The following DLGAP1 variants were observed in gnomAD, a reference collection of about 807,000 sequenced individuals.
DLGAP1 encodes disks large-associated protein 1.
In DLGAP1, 11 loss-of-function variants were observed where a neutral mutation model predicts 90.8. That is an observed-to-expected ratio of 0.12 (90% CI 0.08 to 0.20). The LOEUF is 0.20. Ranked by LOEUF, DLGAP1 falls within the 10% of genes least tolerant of loss-of-function variation. The probability of loss-of-function intolerance (pLI) is 1.00; values close to 1 mark genes in which losing one functional copy is unlikely to be tolerated. For missense variants in DLGAP1, 1,050 were observed against 1,333.8 expected (o/e 0.79, Z 3.31); for synonymous variants, 558 against 540.7 (o/e 1.03, Z -0.44).
At chr18:3,708,575 A>G (rs371597495) in intron 7 of DLGAP1, 7 of 455,862 alleles carry the variant, frequency 1.5e-5, no homozygotes, top group East Asian at 1.4e-4. Flanking sequence ...ACCTTCAGGA[A>G]GGGTGGAGGA....
At chr18:4,126,806 G>C (rs2076239612) in intron 2 of DLGAP1, among the ~76,000 whole-genome samples, 1 of 152,228 alleles carries the variant, frequency 6.6e-6, no homozygotes, top group East Asian at 1.9e-4. Flanking sequence ...CAAAAACGTA[G>C]ATATCAAAGA....
At chr18:3,527,176 C>G (rs2051683417) in intron 10 of DLGAP1, among the ~76,000 whole-genome samples, 1 of 152,198 alleles carries the variant, frequency 6.6e-6, no homozygotes, top group Non-Finnish European at 1.5e-5. Flanking sequence ...TTTTGTTACC[C>G]ACATTTAGTC....
At chr18:3,531,755 T>C (rs1451063501) in intron 10 of DLGAP1, among the ~76,000 whole-genome samples, 3 of 152,134 alleles carry the variant, frequency 2.0e-5, no homozygotes, top group African/African-American at 7.2e-5. Flanking sequence ...AGTGCTAGGA[T>C]TATAGGCATG....
intron 4 of DLGAP1, among the ~76,000 whole-genome samples, chr18:3,830,753 A>T (rs1259492948): frequency 2.0e-5 from 3 of 152,202 alleles, no homozygotes; most frequent in African/African-American, 7.2e-5. Flanking sequence ...CATTGTTTTA[A>T]AACCATTTGT....
chr18:3,835,824 G>A (rs1235080941), intron 4 of DLGAP1, among the ~76,000 whole-genome samples: 1 of 152,064 alleles, frequency 6.6e-6, no homozygotes, highest in African/African-American at 2.4e-5. Flanking sequence ...TAATAGCATA[G>A]GAAGATTTTT....
chr18:3,555,804 C>CT (rs2053717787), intron 9 of DLGAP1, among the ~76,000 whole-genome samples: 1 of 151,908 alleles, frequency 6.6e-6, no homozygotes, highest in Admixed American at 6.6e-5. Flanking sequence ...GAGCGAAACT[C>CT]CGTCTCAAAA....
At chr18:4,135,671 C>G (rs2076387148) in intron 2 of DLGAP1, among the ~76,000 whole-genome samples, 1 of 151,958 alleles carries the variant, frequency 6.6e-6, no homozygotes, top group Non-Finnish European at 1.5e-5. Context: ...TTGTCTTAAT[C>G]TATAGTTCCC....
chr18:3,971,141 G>C (rs1599242964), intron 3 of DLGAP1, among the ~76,000 whole-genome samples: 1 of 152,130 alleles, frequency 6.6e-6, no homozygotes, highest in Admixed American at 6.5e-5. Flanking sequence ...CCTCAAGGTC[G>C]CTTTTCTCCA....
chr18:4,339,590 T>C (rs762410145), intron 1 of DLGAP1, among the ~76,000 whole-genome samples: 21 of 152,178 alleles, frequency 1.4e-4, no homozygotes, highest in Non-Finnish European at 4.4e-5. Context: ...TCACTCCAGT[T>C]TCCAATTATA....
chr18:4,174,739 G>A (rs562869699), intron 1 of DLGAP1, among the ~76,000 whole-genome samples: 1 of 152,196 alleles, frequency 6.6e-6, no homozygotes, highest in South Asian at 2.1e-4. Context: ...TGCATCTATT[G>A]ACCTGTCATC....
At chr18:3,706,701 G>A (rs2061443767) in intron 7 of DLGAP1, among the ~76,000 whole-genome samples, 1 of 152,104 alleles carries the variant, frequency 6.6e-6, no homozygotes, top group South Asian at 2.1e-4. Flanking sequence ...ATTGTGATCT[G>A]GATGCAGAGA....
At chr18:4,296,307 T>C (rs1426535199) in intron 1 of DLGAP1, among the ~76,000 whole-genome samples, 2 of 151,924 alleles carry the variant, frequency 1.3e-5, no homozygotes, top group Non-Finnish European at 2.9e-5. Flanking sequence ...TACACACAGG[T>C]GCACACACAC....
Position 3,540,679 on chromosome 18 carries a change from A to G in DLGAP1, c.2058-6064T>C, listed in dbSNP as rs78540282. On this transcript the variant is annotated intron_variant, in intron 9 of 12. Coordinates refer to ENST00000315677, the MANE Select transcript of DLGAP1 (RefSeq NM_004746.4). ...TGTCCTATCACCAGATTTTAAAACT[A>G]TCTCAAGACAAACATCCATCTGTTA... Among the ~76,000 whole-genome samples the G allele has an allele frequency of 2.8e-3, 424 of 152,166 alleles. 2 individuals are homozygous for G. Among genetic ancestry groups the G allele is most frequent in the African/African-American group, 9.9e-3 (411 of 41,514 alleles).
At position 4,264,655 on chromosome 18, in the gene DLGAP1, T is replaced by A. The variant is rs1053297582; in HGVS notation, c.-266-113368A>T. On this transcript the variant is annotated intron_variant, in intron 1 of 12. Coordinates refer to ENST00000315677, the MANE Select transcript of DLGAP1 (RefSeq NM_004746.4). ...TTCACTTGCTCTTTTTTCCTCCCAT[T>A]TTAGCAGCCAAGGATGGGAATTACA... 2.0e-5 allele frequency: 3 copies of A among 152,226 alleles called. No individual in the cohort carries two copies. In the East Asian group the frequency reaches 5.8e-4, roughly 29 times the overall value. The allele number at this position is 152,226 out of a possible 1,614,324, so 9.4% of individuals were successfully genotyped here.
intron 3 of DLGAP1, chr18:3,962,250 G>C (rs1367146680): frequency 1.3e-5 from 2 of 152,156 alleles, no homozygotes; most frequent in African/African-American, 4.8e-5. Context: ...CTTTCAGAAA[G>C]GACGTCATCG....
intron 7 of DLGAP1, among the ~76,000 whole-genome samples, chr18:3,687,195 G>C (rs779895405): frequency 6.6e-6 from 1 of 152,196 alleles, no homozygotes; most frequent in Non-Finnish European, 1.5e-5. Context: ...ATTCCAAGAT[G>C]ATAAATATGT....
intron 10 of DLGAP1, among the ~76,000 whole-genome samples, chr18:3,512,610 C>A (rs1484109548): frequency 6.6e-6 from 1 of 152,226 alleles, no homozygotes. Context: ...ATTATCATCA[C>A]TTAGTATTTC....
chr18:3,765,050 T>G (rs560226157), intron 5 of DLGAP1, among the ~76,000 whole-genome samples: 1 of 152,138 alleles, frequency 6.6e-6, no homozygotes, highest in Admixed American at 6.5e-5. Flanking sequence ...TATCTGTTTA[T>G]GTAGGTGGTG....
At chr18:3,534,170 G>A (rs937418101) in intron 10 of DLGAP1, 24 bp downstream of exon 10, 1 of 1,598,960 alleles carries the variant, frequency 6.3e-7, no homozygotes, top group Non-Finnish European at 8.5e-7. Context: ...GGGGACGGGT[G>A]TGGCACGTGG....
Sources: allele counts gnomAD v4.1 joint callset (sites outside exome capture counted in the v4.1 genomes callset), GRCh38; gene constraint gnomAD v4.1.1; transcripts MANE v1.5; gene names NCBI Gene and HGNC (gene_info 2026-07-23, HGNC 2026-07-21).